IMMP2L: variants seen among roughly 807,000 people sequenced by gnomAD.
IMMP2L encodes the protein mitochondrial inner membrane protease subunit 2.
In IMMP2L, 18 loss-of-function variants were observed where a neutral mutation model predicts 19.3. The observed-to-expected ratio is 0.93, with a 90% confidence interval of 0.64 to 1.38. The LOEUF (loss-of-function observed/expected upper bound fraction) is 1.38. IMMP2L is among the 40% of genes most tolerant of loss of function. The pLI is 0.00. For synonymous variants in IMMP2L, 76 were observed against 73.0 expected (o/e 1.04, Z -0.21); for missense variants, 233 against 218.2 (o/e 1.07, Z -0.43).
rs1468406341 is a variant in IMMP2L, at chr7:111,479,602, T to C, written c.239+7636A>G. ...ATTTTGTTGTAATTATTATGTAAAC[T>C]TACATTCAAAATGCTTCTCCTCGAT... On this transcript the variant is annotated intron_variant, in intron 3 of 5. Transcript: ENST00000405709. Among the ~76,000 whole-genome samples the C allele has an allele frequency of 2.0e-5, 3 of 152,168 alleles. No homozygotes were observed. In the East Asian group the frequency reaches 5.8e-4, roughly 29 times the overall value.
chr7:111,163,565 T>C (rs1006995288), intron 3 of IMMP2L, among the ~76,000 whole-genome samples: 3 of 152,122 alleles, frequency 2.0e-5, no homozygotes, highest in African/African-American at 7.2e-5. Context: ...TGCCTTGTCA[T>C]AGAACATTAA....
chr7:111,470,978 T>C (rs1234852566), intron 3 of IMMP2L, among the ~76,000 whole-genome samples: 1 of 151,694 alleles, frequency 6.6e-6, no homozygotes, highest in African/African-American at 2.4e-5. Flanking sequence ...GGATGTAATA[T>C]ACAACAAAGG....
At chr7:110,983,373 G>T (rs1043661477) in intron 3 of IMMP2L, among the ~76,000 whole-genome samples, 2 of 151,986 alleles carry the variant, frequency 1.3e-5, no homozygotes, top group African/African-American at 4.8e-5. Context: ...TTGACAGATT[G>T]ATAATAAACA....
chr7:110,671,371 T>C (rs753740074), intron 5 of IMMP2L, among the ~76,000 whole-genome samples: 33 of 152,256 alleles, frequency 2.2e-4, no homozygotes, highest in South Asian at 4.2e-4. Flanking sequence ...GAAGTTCTAA[T>C]TTTTTTTCTT....
chr7:110,972,412 T>A (rs1299469102), intron 3 of IMMP2L, among the ~76,000 whole-genome samples: 1 of 152,262 alleles, frequency 6.6e-6, no homozygotes, highest in African/African-American at 2.4e-5. Context: ...AAATATCTCC[T>A]ATTCTTAATG....
At chr7:110,991,358 A>G (rs1563140257) in intron 3 of IMMP2L, among the ~76,000 whole-genome samples, 1 of 152,186 alleles carries the variant, frequency 6.6e-6, no homozygotes, top group Non-Finnish European at 1.5e-5. Flanking sequence ...AATGCAATGC[A>G]ATATAATTCC....
At chr7:111,267,219 A>G (rs1330576469) in intron 3 of IMMP2L, among the ~76,000 whole-genome samples, 1 of 152,090 alleles carries the variant, frequency 6.6e-6, no homozygotes, top group Non-Finnish European at 1.5e-5. Flanking sequence ...CAAATGCATC[A>G]TCAGAATACG....
At chr7:111,304,460 C>T (rs1822605293) in intron 3 of IMMP2L, among the ~76,000 whole-genome samples, 1 of 151,648 alleles carries the variant, frequency 6.6e-6, no homozygotes, top group South Asian at 2.1e-4. Flanking sequence ...TAAAAATTAA[C>T]GTTCAGCCAT....
At chr7:111,350,648 T>G (rs2130880974) in intron 3 of IMMP2L, among the ~76,000 whole-genome samples, 1 of 152,240 alleles carries the variant, frequency 6.6e-6, no homozygotes, top group East Asian at 1.9e-4. Flanking sequence ...GGTTTCAGCT[T>G]GACCTCACCA....
intron 5 of IMMP2L, among the ~76,000 whole-genome samples, chr7:110,691,358 A>T (rs1917721): frequency 0.46 from 69,714 of 151,934 alleles, 16,436 homozygotes; most frequent in African/African-American, 0.55. Flanking sequence ...CTACAACAAT[A>T]AAAATTCTAG....
intron 1 of IMMP2L, among the ~76,000 whole-genome samples, chr7:111,548,146 T>C (rs1158980488): frequency 1.3e-5 from 2 of 152,154 alleles, no homozygotes; most frequent in South Asian, 2.1e-4. Context: ...ATATTATCTA[T>C]CAGGGAGAGA....
chr7:110,879,734 C>A (rs12705744), intron 5 of IMMP2L, among the ~76,000 whole-genome samples: 43,205 of 152,040 alleles, frequency 0.28, 7,857 homozygotes, highest in East Asian at 0.64. Context: ...AAGGCAATAT[C>A]ATACTTACAA....
intron 4 of IMMP2L, 115 bp downstream of exon 4, chr7:110,963,385 G>A (rs1419285009): frequency 1.5e-6 from 1 of 678,676 alleles, no homozygotes; most frequent in Non-Finnish European, 2.5e-6. Flanking sequence ...CAGCTCATTT[G>A]GAATGTCTCC....
At chr7:111,539,226 GA>G (rs1848274605) in intron 1 of IMMP2L, among the ~76,000 whole-genome samples, 1 of 124,188 alleles carries the variant, frequency 8.1e-6, no homozygotes, top group East Asian at 2.1e-4. Context: ...AAGAAAGAAA[GA>G]AAGAAAGAAA....
At chr7:111,548,360 TTTC>T (rs140441621) in intron 1 of IMMP2L, among the ~76,000 whole-genome samples, 2,490 of 152,254 alleles carry the variant, frequency 0.016, 65 homozygotes, top group African/African-American at 0.057. Context: ...GTCTGTACTA[TTTC>T]TTATTTGCTG....
intron 3 of IMMP2L, among the ~76,000 whole-genome samples, chr7:111,484,289 A>G (rs1264869541): frequency 6.6e-6 from 1 of 152,178 alleles, no homozygotes; most frequent in East Asian, 1.9e-4. Flanking sequence ...AAAGTTGAAT[A>G]AGCCCTACTG....
At chr7:111,367,479 CTTTTT>C (rs111245318) in intron 3 of IMMP2L, among the ~76,000 whole-genome samples, 2 of 145,382 alleles carry the variant, frequency 1.4e-5, no homozygotes, top group African/African-American at 5.0e-5. Flanking sequence ...AGCAAAAAGG[CTTTTT>C]TTTTTTAACA....
chr7:111,413,163 T>A (rs778262863), intron 3 of IMMP2L, among the ~76,000 whole-genome samples: 4 of 152,030 alleles, frequency 2.6e-5, no homozygotes, highest in Non-Finnish European at 5.9e-5. Flanking sequence ...AAGACACAAA[T>A]TATAAAACTG....
At chr7:111,230,959 G>T (rs181830903) in intron 3 of IMMP2L, among the ~76,000 whole-genome samples, 6 of 151,894 alleles carry the variant, frequency 4.0e-5, no homozygotes, top group African/African-American at 1.5e-4. Flanking sequence ...AATGGGAAGG[G>T]AGTGACATCT....
Sources: allele counts gnomAD v4.1 joint callset (sites outside exome capture counted in the v4.1 genomes callset), GRCh38; gene constraint gnomAD v4.1.1; transcripts MANE v1.5; gene names NCBI Gene and HGNC (gene_info 2026-07-23, HGNC 2026-07-21).